FREM1: variants seen among roughly 807,000 people sequenced by gnomAD.
The protein encoded by FREM1 is FRAS1 related extracellular matrix 1, also known as FRAS1-related extracellular matrix protein 1.
FREM1 carries 220 observed loss-of-function variants against 210.1 expected under a neutral mutation model. The observed-to-expected ratio is 1.05, with a 90% confidence interval of 0.94 to 1.17. The LOEUF (loss-of-function observed/expected upper bound fraction) is 1.17. FREM1 is among the 50% of genes most tolerant of loss of function. The pLI is 0.00. For synonymous variants in FREM1, 1,189 were observed against 980.2 expected, an observed-to-expected ratio of 1.21 and a Z score of -3.98; for missense variants, 3,454 against 2,675.5, an observed-to-expected ratio of 1.29 and a Z score of -6.42.
At chr9:14,760,500 T>C (rs1783046660) in intron 27 of FREM1, among the ~76,000 whole-genome samples, 2 of 152,208 alleles carry the variant, frequency 1.3e-5, no homozygotes, top group Admixed American at 1.3e-4. Context: ...GATGCAACTA[T>C]ATAACTAAAT....
At position 14,910,256 on chromosome 9, in the gene FREM1, A is replaced by C. The variant is rs371605045; in HGVS notation, c.-610T>G. On this transcript the variant is annotated 5_prime_UTR_variant, in exon 1 of 37. Coordinates refer to ENST00000380880, the MANE Select transcript of FREM1 (RefSeq NM_001379081.2). Reference sequence around the variant, plus strand: ...GACTCCCTGTGAGAAGGGCATGATAAAGATGCCTTCTACTGTTTACACAGA... The same window carrying C: ...GACTCCCTGTGAGAAGGGCATGATACAGATGCCTTCTACTGTTTACACAGA... 2 of 152,262 alleles carry C rather than the reference A, an allele frequency of 1.3e-5. No homozygotes were observed. The highest frequency in any genetic ancestry group is 1.9e-4 in the East Asian group (1 of 5,194). The allele number at this position is 152,262 out of a possible 1,614,324, so 9.4% of individuals were successfully genotyped here.
chr9:14,762,585 G>T (rs1425012626), intron 27 of FREM1, among the ~76,000 whole-genome samples: 2 of 152,028 alleles, frequency 1.3e-5, no homozygotes, highest in Admixed American at 1.3e-4. Context: ...GGTCAAGGTG[G>T]TCATTACACA....
Position 14,828,642 on chromosome 9 carries a change from G to T in FREM1, c.1882-3650C>A, listed in dbSNP as rs752462395. On this transcript the variant is annotated intron_variant, in intron 10 of 36. Transcript: ENST00000380880. ...GGAGAAGAACATAAATTGTGGCGGG[G>T]CGGGGGAGGTGCCGGGGTAGAATGT... Among the ~76,000 whole-genome samples the T allele has an allele frequency of 2.4e-3, 223 of 94,878 alleles. 14 individuals are homozygous for T. Among genetic ancestry groups the T allele is most frequent in the African/African-American group, 4.8e-3 (152 of 31,652 alleles). 62.2% of individuals were successfully genotyped at this position (94,878 alleles called of 152,430 possible). A position where few individuals can be genotyped will look rare whatever the true frequency, so the allele number is the denominator to read the frequency against.
At chr9:14,795,017 T>C (rs1439817154) in intron 21 of FREM1, among the ~76,000 whole-genome samples, 2 of 114,830 alleles carry the variant, frequency 1.7e-5, no homozygotes, top group East Asian at 5.0e-4. Context: ...AAAAAAAAAA[T>C]AGAAAAGAAA....
chr9:14,756,477 TA>T, intron 28 of FREM1, 31 bp from the exon 29 acceptor site: 3 of 1,456,410 alleles, frequency 2.1e-6, no homozygotes, highest in Non-Finnish European at 2.8e-6. Context: ...CTTTTTAAGA[TA>T]AAAATAAATA....
intron 10 of FREM1, among the ~76,000 whole-genome samples, chr9:14,839,783 C>T (rs2779510): frequency 0.92 from 139,447 of 152,256 alleles, 65,080 homozygotes; most frequent in East Asian, 1. Context: ...GCCCATAGGC[C>T]ACTAAAAGTG....
chr9:14,783,761 A>T (rs537122360), intron 24 of FREM1, among the ~76,000 whole-genome samples: 1 of 152,332 alleles, frequency 6.6e-6, no homozygotes, highest in South Asian at 2.1e-4. Flanking sequence ...CCAATGATTT[A>T]TTTGATACGG....
chr9:14,772,773 G>C (rs1847817815), intron 25 of FREM1, among the ~76,000 whole-genome samples: 1 of 152,156 alleles, frequency 6.6e-6, no homozygotes, highest in African/African-American at 2.4e-5. Context: ...AAGAGAGATG[G>C]TTAGTGGAAG....
At chr9:14,853,416 T>C (rs1828121767) in intron 5 of FREM1, among the ~76,000 whole-genome samples, 4 of 152,054 alleles carry the variant, frequency 2.6e-5, no homozygotes, top group Admixed American at 2.6e-4. Flanking sequence ...CAGGAGAAAT[T>C]GCAAGTGATC....
intron 29 of FREM1, chr9:14,752,001 T>C (rs1843477280): frequency 6.7e-6 from 1 of 150,268 alleles, no homozygotes; most frequent in Non-Finnish European, 1.5e-5. Context: ...TTGAAGCATC[T>C]AGTATGTATA....
At chr9:14,845,072 T>C (rs1243084253) in intron 8 of FREM1, among the ~76,000 whole-genome samples, 1 of 152,206 alleles carries the variant, frequency 6.6e-6, no homozygotes, top group East Asian at 1.9e-4. Context: ...GAGAGTTATC[T>C]TTCTGCATTA....
intron 10 of FREM1, among the ~76,000 whole-genome samples, chr9:14,833,597 G>C (rs1306334005): frequency 2.0e-5 from 3 of 152,140 alleles, no homozygotes; most frequent in Admixed American, 2.0e-4. Flanking sequence ...TTTCATCTGT[G>C]AGGTTACTTT....
intron 22 of FREM1, among the ~76,000 whole-genome samples, chr9:14,791,820 G>GTTTTGT (rs1554664924): frequency 6.7e-6 from 1 of 150,234 alleles, no homozygotes; most frequent in South Asian, 2.1e-4. Flanking sequence ...TCAGATAATG[G>GTTTTGT]TTTGTTTTGT....
At chr9:14,819,995 T>G (rs1340617383) in intron 13 of FREM1, among the ~76,000 whole-genome samples, 1 of 152,206 alleles carries the variant, frequency 6.6e-6, no homozygotes, top group African/African-American at 2.4e-5. Context: ...GGAAATAGAT[T>G]TATTCAAACA....
At chr9:14,766,538 G>A (rs1846443396) in intron 27 of FREM1, among the ~76,000 whole-genome samples, 1 of 152,134 alleles carries the variant, frequency 6.6e-6, no homozygotes. Context: ...GTAACTTGAT[G>A]AATCTCACGA....
Position 14,868,972 on chromosome 9 carries a change from G to A in FREM1, c.6C>T (p.Asn2=), listed in dbSNP as rs539708931. 31 of 1,570,616 alleles carry A rather than the reference G, an allele frequency of 2.0e-5. No individual in the cohort carries two copies. The highest frequency in any genetic ancestry group is 9.2e-5 in the East Asian group (4 of 43,292). M[N]SLSWGAANAV... ...CATTCGCAGCCCCCCAACTCAGAGA[G>A]TTCATGCTGACAGGGCCCAACTCTT... The change falls in exon 2 of 37, where the codon AAC becomes AAT. Residue 2 remains asparagine, a synonymous_variant. Coordinates refer to ENST00000380880, the MANE Select transcript of FREM1 (RefSeq NM_001379081.2).
rs913925492 is a variant in FREM1 at position 14,857,834 on chromosome 9, CT to C, written c.632-86del. On this transcript the variant is annotated intron_variant, in intron 4 of 36. Transcript: ENST00000380880. ...AAACCAGTACTCCGTCCCATGAATA[CT>C]TATTCCCTCTCACTGCCTCAGGAAC... 95 of 904,280 alleles carry C rather than the reference CT, an allele frequency of 1.1e-4. No individual in the cohort carries two copies. The Middle Eastern group carries it at 2.5e-3, about 24-fold the overall frequency. 56.0% of individuals were successfully genotyped at this position (904,280 alleles called of 1,614,324 possible).
chr9:14,883,206 A>G (rs545234826), intron 1 of FREM1, among the ~76,000 whole-genome samples: 1 of 152,182 alleles, frequency 6.6e-6, no homozygotes, highest in African/African-American at 2.4e-5. Flanking sequence ...AACAGAATAC[A>G]TATTAAAAAA....
intron 8 of FREM1, among the ~76,000 whole-genome samples, chr9:14,845,397 C>T (rs1458274528): frequency 6.6e-6 from 1 of 152,028 alleles, no homozygotes; most frequent in African/African-American, 2.4e-5. Context: ...CTCTGCCGCC[C>T]AGGTTCAAGC....
Sources: allele counts gnomAD v4.1 joint callset (sites outside exome capture counted in the v4.1 genomes callset), GRCh38; gene constraint gnomAD v4.1.1; transcripts MANE v1.5; gene names NCBI Gene and HGNC (gene_info 2026-07-23, HGNC 2026-07-21).